The following TCF4 variants were observed in gnomAD, a reference collection of about 807,000 sequenced individuals.
TCF4 encodes the protein SL3-3 enhancer factor 2.
TCF4 carries 3 observed loss-of-function variants against 82.1 expected under a neutral mutation model. That is an observed-to-expected ratio of 0.04 (90% CI 0.02 to 0.09). TCF4 has a LOEUF of 0.09. Ranked by LOEUF, TCF4 falls within the 10% of genes least tolerant of loss-of-function variation. TCF4 has a pLI of 1.00. For missense variants in TCF4, 518 were observed against 852.7 expected (o/e 0.61, Z 4.89); for synonymous variants, 276 against 309.6 (o/e 0.89, Z 1.14).
At chr18:55,553,170 C>T (rs2097274725) in intron 3 of TCF4, 1 of 152,182 alleles carries the variant, frequency 6.6e-6, no homozygotes, top group Non-Finnish European at 1.5e-5. Flanking sequence ...AACCAAAGCA[C>T]TTAGATAATT....
chr18:55,514,813 ACT>A lies in TCF4; in HGVS notation c.146-50678_146-50677del, dbSNP rs1392377935. 6.6e-5 allele frequency among the ~76,000 whole-genome samples: 10 copies of A among 152,212 alleles called. No homozygotes were observed. The East Asian group carries it at 1.2e-3, about 18-fold the overall frequency. ...ACAAAGCAATTGATGTATATTATTTACTCTTTTTTTACAATATTTATAGAATA... is the reference window on the plus strand; with the variant it reads ...ACAAAGCAATTGATGTATATTATTTACTTTTTTTACAATATTTATAGAATA... On this transcript the variant is annotated intron_variant, in intron 3 of 19. Coordinates refer to ENST00000354452, the MANE Select transcript of TCF4 (RefSeq NM_001083962.2).
intron 5 of TCF4, among the ~76,000 whole-genome samples, chr18:55,417,457 T>G (rs2094563402): frequency 6.6e-6 from 1 of 152,190 alleles, no homozygotes; most frequent in African/African-American, 2.4e-5. Context: ...TAAAACTAGT[T>G]TTCAATATTA....
chr18:55,619,701 T>C lies in TCF4; in HGVS notation c.286+11597A>G, dbSNP rs1469760673. 5.3e-5 allele frequency among the ~76,000 whole-genome samples: 8 copies of C among 152,316 alleles called. No homozygotes were observed. The South Asian group carries it at 8.3e-4, about 16-fold the overall frequency. Reference sequence around the variant, plus strand: ...TTCTGAATCAGTTTCAATTACTTAATTTTTTTCATTCCTAATTACTTGTTA... The same window carrying C: ...TTCTGAATCAGTTTCAATTACTTAACTTTTTTCATTCCTAATTACTTGTTA... On this transcript the variant is annotated intron_variant, in intron 2 of 20. Coordinates refer to the TCF4 transcript ENST00000398339.
At chr18:55,278,736 T>G (rs1204379158) in intron 9 of TCF4, among the ~76,000 whole-genome samples, 1 of 152,076 alleles carries the variant, frequency 6.6e-6, no homozygotes, top group Non-Finnish European at 1.5e-5. Context: ...GCCTGGCTAA[T>G]TTTTTGTATT....
At chr18:55,423,777 C>T (rs1008477181) in intron 5 of TCF4, among the ~76,000 whole-genome samples, 1 of 152,112 alleles carries the variant, frequency 6.6e-6, no homozygotes. Flanking sequence ...CAGCTCCCCC[C>T]GGACCTCATC....
chr18:55,429,788 A>AAC (rs1236915792), intron 5 of TCF4, among the ~76,000 whole-genome samples: 22 of 150,842 alleles, frequency 1.5e-4, no homozygotes, highest in Admixed American at 7.3e-4. Flanking sequence ...AAAAAAAAAA[A>AAC]ACAATTTGGT....
chr18:55,379,471 G>A (rs1438308681), intron 6 of TCF4, among the ~76,000 whole-genome samples: 3 of 152,176 alleles, frequency 2.0e-5, no homozygotes, highest in Non-Finnish European at 4.4e-5. Flanking sequence ...CCTGGGAAGG[G>A]AGTGTGTCCC....
chr18:55,321,489 CGAA>C, intron 8 of TCF4: 1 of 911,180 alleles, frequency 1.1e-6, no homozygotes, highest in Non-Finnish European at 1.7e-6. Context: ...GAAAAAAAGA[CGAA>C]GGAGAAGAAG....
chr18:55,505,942 T>C (rs17512480), intron 3 of TCF4, among the ~76,000 whole-genome samples: 6 of 152,170 alleles, frequency 3.9e-5, no homozygotes, highest in African/African-American at 1.4e-4. Flanking sequence ...TAAAGATTAC[T>C]GCAAAAATGA....
intron 14 of TCF4, among the ~76,000 whole-genome samples, chr18:55,255,692 C>A (rs1295449011): frequency 6.6e-6 from 1 of 152,122 alleles, no homozygotes; most frequent in Non-Finnish European, 1.5e-5. Flanking sequence ...CATTATGATT[C>A]CTTCCGTACA....
intron 6 of TCF4, among the ~76,000 whole-genome samples, chr18:55,363,635 G>A (rs961079027): frequency 6.6e-6 from 1 of 152,000 alleles, no homozygotes; most frequent in African/African-American, 2.4e-5. Flanking sequence ...GAAACCCCAT[G>A]TCTCTACTAA....
chr18:55,476,681 T>G (rs2096296218), intron 3 of TCF4, among the ~76,000 whole-genome samples: 1 of 152,012 alleles, frequency 6.6e-6, no homozygotes, highest in South Asian at 2.1e-4. Context: ...TTGCTCAGGT[T>G]GATCTCCGAC....
intron 8 of TCF4, among the ~76,000 whole-genome samples, chr18:55,301,264 T>C (rs542946708): frequency 6.6e-6 from 1 of 152,298 alleles, no homozygotes; most frequent in African/African-American, 2.4e-5. Flanking sequence ...CAATTGCTGG[T>C]TGAATGTAAT....
intron 3 of TCF4, among the ~76,000 whole-genome samples, chr18:55,497,064 C>T (rs538679076): frequency 4.6e-5 from 7 of 152,160 alleles, no homozygotes; most frequent in South Asian, 2.1e-4. Context: ...GCAAATCAGC[C>T]GAGCAGGTGT....
chr18:55,235,547 G>A (rs1407358269), intron 15 of TCF4, among the ~76,000 whole-genome samples: 1 of 152,042 alleles, frequency 6.6e-6, no homozygotes, highest in Non-Finnish European at 1.5e-5. Context: ...ATACTGCTGA[G>A]CTTTTTATTA....
intron 8 of TCF4, among the ~76,000 whole-genome samples, chr18:55,289,996 C>T (rs1406458231): frequency 6.6e-6 from 1 of 152,066 alleles, no homozygotes; most frequent in Non-Finnish European, 1.5e-5. Context: ...TGAATAAACA[C>T]ACCACACATG....
At chr18:55,259,833 G>T (rs1299630176) in intron 13 of TCF4, 116 bp downstream of exon 13, 1 of 885,332 alleles carries the variant, frequency 1.1e-6, no homozygotes, top group South Asian at 1.3e-5. Flanking sequence ...TTATAGGAAT[G>T]TTAAAGCTTT....
intron 5 of TCF4, among the ~76,000 whole-genome samples, chr18:55,429,340 G>T (rs1034009723): frequency 6.6e-6 from 1 of 152,168 alleles, no homozygotes; most frequent in Non-Finnish European, 1.5e-5. Context: ...TGCCCAACAT[G>T]AATGACTATA....
At chr18:55,264,065 T>C (rs1372374717) in intron 11 of TCF4, among the ~76,000 whole-genome samples, 1 of 152,100 alleles carries the variant, frequency 6.6e-6, no homozygotes, top group African/African-American at 2.4e-5. Context: ...TTTAGGAGCA[T>C]TTAAAAACTA....
Sources: allele counts gnomAD v4.1 joint callset (sites outside exome capture counted in the v4.1 genomes callset), GRCh38; gene constraint gnomAD v4.1.1; transcripts MANE v1.5; gene names NCBI Gene and HGNC (gene_info 2026-07-23, HGNC 2026-07-21).